Variants in GRID1 observed in about 807,000 individuals in gnomAD.
GRID1 encodes the protein glutamate receptor ionotropic, delta-1.
Under a neutral mutation model 98.0 loss-of-function variants are expected in GRID1, and 28 were observed. The observed-to-expected ratio is 0.29, with a 90% CI of 0.21 to 0.39. The LOEUF (loss-of-function observed/expected upper bound fraction) is 0.39, where lower values mean the gene tolerates loss of function less well. Ranked by LOEUF, GRID1 falls within the 10% of genes least tolerant of loss-of-function variation. The pLI is 1.00. For missense variants in GRID1, 1,111 were observed against 1,340.5 expected (o/e 0.83, Z 2.67); for synonymous variants, 553 against 538.5 (o/e 1.03, Z -0.37).
At chr10:86,236,325 G>A (rs1485050807) in intron 2 of GRID1, among the ~76,000 whole-genome samples, 1 of 152,140 alleles carries the variant, frequency 6.6e-6, no homozygotes, top group Non-Finnish European at 1.5e-5. Context: ...TTTTCTCTTA[G>A]GCAATATTTC....
intron 4 of GRID1, among the ~76,000 whole-genome samples, chr10:85,937,249 T>C (rs368828620): frequency 2.6e-5 from 4 of 152,204 alleles, no homozygotes; most frequent in Admixed American, 2.0e-4. Context: ...AAGATAAAGA[T>C]GGCCTGTGCA....
intron 8 of GRID1, among the ~76,000 whole-genome samples, chr10:85,794,629 T>C (rs1365158847): frequency 1.3e-5 from 2 of 152,216 alleles, no homozygotes; most frequent in African/African-American, 2.4e-5. Context: ...TTTCTCTCAA[T>C]CTACCTTTGA....
At chr10:85,856,253 C>A in intron 6 of GRID1, 63 bp from the exon 7 acceptor site, 3 of 1,455,774 alleles carry the variant, frequency 2.1e-6, no homozygotes, top group Non-Finnish European at 2.9e-6. Context: ...TTTGGAGAAA[C>A]CCACAGAAAG....
chr10:86,012,135 A>G (rs892853536), intron 4 of GRID1, among the ~76,000 whole-genome samples: 25 of 152,258 alleles, frequency 1.6e-4, no homozygotes, highest in Middle Eastern at 3.4e-3. Context: ...AAATAAATAA[A>G]TAAATAAAGT....
chr10:86,070,262 A>G (rs898283325), intron 4 of GRID1, among the ~76,000 whole-genome samples: 1 of 152,158 alleles, frequency 6.6e-6, no homozygotes, highest in Non-Finnish European at 1.5e-5. Flanking sequence ...GGAAGAAGGC[A>G]TTGGGGCACT....
At chr10:86,224,513 A>C (rs1020581096) in intron 2 of GRID1, among the ~76,000 whole-genome samples, 2 of 152,144 alleles carry the variant, frequency 1.3e-5, no homozygotes, top group African/African-American at 4.8e-5. Context: ...ACAGGTTCTC[A>C]TGGGGACTGG....
intron 4 of GRID1, among the ~76,000 whole-genome samples, chr10:85,974,121 A>G (rs542027101): frequency 2.4e-4 from 37 of 152,334 alleles, no homozygotes; most frequent in African/African-American, 8.7e-4. Flanking sequence ...CGGAAAGTCT[A>G]TGCTCAGAAC....
At chr10:85,911,667 A>T (rs1294545179) in intron 5 of GRID1, among the ~76,000 whole-genome samples, 1 of 152,218 alleles carries the variant, frequency 6.6e-6, no homozygotes, top group African/African-American at 2.4e-5. Flanking sequence ...GGAAGAATTC[A>T]TGTAACAATG....
At chr10:85,902,196 A>T (rs1213359401) in intron 5 of GRID1, among the ~76,000 whole-genome samples, 1 of 152,150 alleles carries the variant, frequency 6.6e-6, no homozygotes, top group Non-Finnish European at 1.5e-5. Flanking sequence ...ATAGTACCAA[A>T]CCCTATATAT....
chr10:86,214,831 T>C (rs1251201974), intron 2 of GRID1, among the ~76,000 whole-genome samples: 1 of 152,222 alleles, frequency 6.6e-6, no homozygotes, highest in African/African-American at 2.4e-5. Flanking sequence ...ATAGTGCCAC[T>C]GCACTTCATC....
intron 8 of GRID1, among the ~76,000 whole-genome samples, chr10:85,838,711 C>A (rs1419110322): frequency 6.6e-6 from 1 of 152,114 alleles, no homozygotes; most frequent in Non-Finnish European, 1.5e-5. Context: ...AGTACACAGA[C>A]CAGTGACACT....
intron 12 of GRID1, among the ~76,000 whole-genome samples, chr10:85,721,211 G>A (rs533144435): frequency 1.3e-5 from 2 of 152,288 alleles, no homozygotes; most frequent in East Asian, 3.9e-4. Flanking sequence ...CAGGAAAGAT[G>A]CAGAGAAACT....
chr10:85,802,838 A>AACACACACACACACACACACACACACAC (rs59101010), intron 8 of GRID1, among the ~76,000 whole-genome samples: 1 of 120,878 alleles, frequency 8.3e-6, no homozygotes, highest in African/African-American at 3.2e-5. Flanking sequence ...AAGCAGAATA[A>AACACACACACACACACACACACACACAC]ACACACACAC....
At chr10:86,356,504 G>A (rs1028539348) in intron 2 of GRID1, among the ~76,000 whole-genome samples, 1 of 152,180 alleles carries the variant, frequency 6.6e-6, no homozygotes, top group Non-Finnish European at 1.5e-5. Context: ...ATAAGCAGAA[G>A]TGATGTGAGC....
intron 2 of GRID1, among the ~76,000 whole-genome samples, chr10:86,257,261 T>C (rs1846935310): frequency 6.6e-6 from 1 of 152,200 alleles, no homozygotes; most frequent in Admixed American, 6.5e-5. Flanking sequence ...GCAGAGTCTC[T>C]AGTGATAGGC....
intron 2 of GRID1, among the ~76,000 whole-genome samples, chr10:86,362,256 C>A (rs985967261): frequency 6.6e-6 from 1 of 152,212 alleles, no homozygotes; most frequent in Non-Finnish European, 1.5e-5. Context: ...GGTCCCCACC[C>A]CATTTAGGGT....
chr10:86,266,692 T>G (rs1847109594), intron 2 of GRID1, among the ~76,000 whole-genome samples: 1 of 152,250 alleles, frequency 6.6e-6, no homozygotes. Context: ...ACTGGGCCCC[T>G]GGACTGTGGC....
intron 8 of GRID1, among the ~76,000 whole-genome samples, chr10:85,829,557 G>C (rs944669333): frequency 1.3e-5 from 2 of 152,106 alleles, no homozygotes; most frequent in African/African-American, 4.8e-5. Flanking sequence ...AAACCCCATA[G>C]TCTCTCCCAA....
At chr10:85,788,646 G>A (rs1220268060) in intron 8 of GRID1, among the ~76,000 whole-genome samples, 1 of 152,212 alleles carries the variant, frequency 6.6e-6, no homozygotes, top group Non-Finnish European at 1.5e-5. Context: ...CATCTTCTGG[G>A]TCACTGATTT....
Sources: gnomAD v4.1 joint callset for allele counts (sites outside exome capture counted in the v4.1 genomes callset) on GRCh38, gnomAD v4.1.1 for gene constraint, MANE v1.5 for transcripts, NCBI Gene and HGNC (gene_info 2026-07-23, HGNC 2026-07-21) for gene names.